The following SH2D4A variants were observed in gnomAD, a reference collection of about 807,000 sequenced individuals.
SH2D4A encodes SH2 domain-containing protein 4A.
Under a neutral mutation model 64.7 loss-of-function variants are expected in SH2D4A, and 70 were observed. The observed-to-expected ratio is 1.08, with a 90% CI of 0.89 to 1.32. The LOEUF is 1.32. SH2D4A is among the 40% of genes most tolerant of loss of function. The pLI, the probability that SH2D4A is intolerant of heterozygous loss-of-function variation, is 0.00. For missense variants in SH2D4A, 706 were observed against 540.1 expected, an observed-to-expected ratio of 1.31 and a Z score of -3.04; for synonymous variants, 268 against 200.7, an observed-to-expected ratio of 1.34 and a Z score of -2.83.
chr8:19,347,898 A>G (rs945583154), intron 4 of SH2D4A, among the ~76,000 whole-genome samples: 1 of 152,198 alleles, frequency 6.6e-6, no homozygotes, highest in Non-Finnish European at 1.5e-5. Context: ...AGGCAAACAC[A>G]TGCCACACAT....
At chr8:19,380,060 T>C (rs1158331455) in intron 8 of SH2D4A, among the ~76,000 whole-genome samples, 2 of 152,120 alleles carry the variant, frequency 1.3e-5, no homozygotes, top group African/African-American at 4.8e-5. Flanking sequence ...CTCTCTTTCA[T>C]AGCAACCATC....
chr8:19,331,820 T>G (rs1563187712), intron 2 of SH2D4A, among the ~76,000 whole-genome samples: 2 of 152,110 alleles, frequency 1.3e-5, no homozygotes, highest in Non-Finnish European at 2.9e-5. Flanking sequence ...GGAAATTGAG[T>G]CTAAAGAGTT....
At chr8:19,329,363 C>G (rs2052335194) in intron 2 of SH2D4A, among the ~76,000 whole-genome samples, 1 of 152,108 alleles carries the variant, frequency 6.6e-6, no homozygotes, top group Admixed American at 6.6e-5. Context: ...CCATAGCATC[C>G]TTTAACACCA....
rs2052386366 is a variant in SH2D4A at position 19,332,922 on chromosome 8, A to G, written c.182-33A>G. Reference sequence around the variant, plus strand: ...ATCTGTGACTAAAGATATTTGTTCAATCTGAATTTTTTGTTTGTGTGTTTG... The same window carrying G: ...ATCTGTGACTAAAGATATTTGTTCAGTCTGAATTTTTTGTTTGTGTGTTTG... On this transcript the variant is annotated intron_variant, in intron 2 of 9. Transcript: ENST00000265807. 4 of 1,600,642 alleles carry G rather than the reference A, an allele frequency of 2.5e-6. 1 individual carries two copies. The highest frequency in any genetic ancestry group is 2.3e-5 in the South Asian group (2 of 88,190).
chr8:19,320,852 C>T (rs954068842), intron 2 of SH2D4A, among the ~76,000 whole-genome samples: 2 of 152,040 alleles, frequency 1.3e-5, no homozygotes, highest in African/African-American at 2.4e-5. Flanking sequence ...TTTCATTAAA[C>T]CAGGAAAATA....
chr8:19,342,499 G>A (rs1585160761), intron 4 of SH2D4A, among the ~76,000 whole-genome samples: 1 of 152,300 alleles, frequency 6.6e-6, no homozygotes, highest in African/African-American at 2.4e-5. Context: ...CTGGTCATTG[G>A]GATGATAGTG....
chr8:19,331,887 A>G (rs2052369497), intron 2 of SH2D4A, among the ~76,000 whole-genome samples: 1 of 152,210 alleles, frequency 6.6e-6, no homozygotes, highest in African/African-American at 2.4e-5. Flanking sequence ...ATTTGAACTC[A>G]AGGTGGTCTA....
intron 8 of SH2D4A, among the ~76,000 whole-genome samples, chr8:19,373,933 T>A (rs1343455493): frequency 6.6e-6 from 1 of 152,166 alleles, no homozygotes; most frequent in Non-Finnish European, 1.5e-5. Flanking sequence ...CAAAGAGGCA[T>A]TCCTGGTGAC....
rs1376110126 is a variant in SH2D4A at position 19,342,785 on chromosome 8, G to A, written c.513+7928G>A. On this transcript the variant is annotated intron_variant, in intron 4 of 9. Transcript: ENST00000265807. The stretch of plus-strand genomic sequence containing the variant: ...TGGGCTTTTCCCCTCCACTAGCAGT[G>A]ATACTTTAAACCAGATATTCTGGGC... Among the ~76,000 whole-genome samples, 4 of 152,144 alleles carry A rather than the reference G, an allele frequency of 2.6e-5. No individual in the cohort carries two copies. In the South Asian group the frequency reaches 8.3e-4, roughly 31 times the overall value.
At chr8:19,387,667 A>G (rs1350053874) in intron 8 of SH2D4A, among the ~76,000 whole-genome samples, 2 of 152,246 alleles carry the variant, frequency 1.3e-5, no homozygotes, top group African/African-American at 2.4e-5. Context: ...GTAGTGGTTA[A>G]GAGCATGTCC....
chr8:19,390,119 C>A (rs1199300910), intron 8 of SH2D4A, among the ~76,000 whole-genome samples: 2 of 152,072 alleles, frequency 1.3e-5, no homozygotes, highest in African/African-American at 4.8e-5. Context: ...CCTATCATCC[C>A]ACTATCATCC....
At chr8:19,324,557 C>T (rs866686866) in intron 2 of SH2D4A, among the ~76,000 whole-genome samples, 11 of 152,256 alleles carry the variant, frequency 7.2e-5, no homozygotes, top group East Asian at 1.9e-4. Flanking sequence ...ATTCCTCAGC[C>T]GCCTCTGACT....
chr8:19,318,671 G>A (rs998466863), intron 1 of SH2D4A, among the ~76,000 whole-genome samples: 1 of 152,104 alleles, frequency 6.6e-6, no homozygotes, highest in African/African-American at 2.4e-5. Flanking sequence ...CCTAAAACTC[G>A]GTGACCTTCC....
rs377333248 is a variant in SH2D4A, at chr8:19,360,291, TTC to T, written c.595-910_595-909del. Among the ~76,000 whole-genome samples, 96 of 151,118 alleles carry T rather than the reference TTC, an allele frequency of 6.4e-4. No homozygotes were observed. In the East Asian group the frequency reaches 0.017, roughly 26 times the overall value. On this transcript the variant is annotated intron_variant, in intron 5 of 9. Transcript: ENST00000265807. Reference sequence around the variant, plus strand: ...CAAAAGATGCTTTTGAAAAATATTTTTCTGTTTTTTTTTTTTTTTGAAACAAA... The same window carrying T: ...CAAAAGATGCTTTTGAAAAATATTTTTGTTTTTTTTTTTTTTTGAAACAAA...
At chr8:19,384,894 G>A (rs556999457) in intron 8 of SH2D4A, among the ~76,000 whole-genome samples, 30 of 152,248 alleles carry the variant, frequency 2.0e-4, no homozygotes, top group Non-Finnish European at 1.0e-4. Context: ...GTGGGAAGAT[G>A]GGTAAAAAGA....
rs901026871 is a variant in SH2D4A, at chr8:19,313,792, C to G, written c.-236C>G. ...CGGCCAAGTGGATGTGGCGGGTGAT[C>G]GAGCCACCCTGCCCAGGGGCGCCCA... is the stretch of plus-strand genomic sequence containing the variant. On this transcript the variant is annotated 5_prime_UTR_variant, in exon 1 of 10. It adds an upstream start codon to the 5' untranslated region. Coordinates refer to ENST00000265807, the MANE Select transcript of SH2D4A (RefSeq NM_022071.4). 9.9e-6 allele frequency: 15 copies of G among 1,511,638 alleles called. No individual in the cohort carries two copies. Among genetic ancestry groups the G allele is most frequent in the African/African-American group, 7.1e-5 (5 of 70,062 alleles). 93.6% of individuals were successfully genotyped at this position (1,511,638 alleles called of 1,614,324 possible).
intron 3 of SH2D4A, 74 bp downstream of exon 3, chr8:19,333,188 G>T: frequency 2.7e-6 from 4 of 1,492,340 alleles, no homozygotes; most frequent in Non-Finnish European, 3.6e-6. Flanking sequence ...CACACCTCTT[G>T]CTCACAGTAT....
chr8:19,368,764 A>T (rs1274504775), intron 7 of SH2D4A, among the ~76,000 whole-genome samples: 1 of 152,050 alleles, frequency 6.6e-6, no homozygotes, highest in African/African-American at 2.4e-5. Flanking sequence ...TGTATGTAAG[A>T]TCAGGTCATC....
At chr8:19,382,382 C>G (rs2053309207) in intron 8 of SH2D4A, among the ~76,000 whole-genome samples, 1 of 152,036 alleles carries the variant, frequency 6.6e-6, no homozygotes, top group Non-Finnish European at 1.5e-5. Flanking sequence ...GATTTTTCTA[C>G]CTTATGATGG....
Sources: gnomAD v4.1 joint callset for allele counts (sites outside exome capture counted in the v4.1 genomes callset) on GRCh38, gnomAD v4.1.1 for gene constraint, MANE v1.5 for transcripts, NCBI Gene and HGNC (gene_info 2026-07-23, HGNC 2026-07-21) for gene names.